Variants in ZC3H11A observed in about 807,000 individuals in gnomAD.
The protein encoded by ZC3H11A is zinc finger CCCH-type containing 11A, also known as zinc finger CCCH domain-containing protein 11A.
Under a neutral mutation model 90.8 loss-of-function variants are expected in ZC3H11A, and 22 were observed. The ratio of observed to expected loss-of-function variants is 0.24; its 90% CI spans 0.17 to 0.35. The LOEUF is 0.35. Ranked by LOEUF, ZC3H11A falls within the 10% of genes least tolerant of loss-of-function variation. The probability of loss-of-function intolerance (pLI) is 1.00; values close to 1 mark genes in which losing one functional copy is unlikely to be tolerated. For missense variants in ZC3H11A, 701 were observed against 964.9 expected (o/e 0.73, Z 3.62); for synonymous variants, 294 against 339.8 (o/e 0.87, Z 1.48).
intron 3 of ZC3H11A, among the ~76,000 whole-genome samples, chr1:203,818,050 TTA>T (rs367640141): frequency 3.3e-4 from 50 of 152,192 alleles, no homozygotes; most frequent in African/African-American, 1.1e-3. Flanking sequence ...CCCGGTGATA[TTA>T]TGTTTTAAAT....
rs550296795 is a variant in ZC3H11A at position 203,851,496 on chromosome 1, AT to A, written c.2174+377del. ...AGGTGCCTGCCACAAGGCCTAGCTA[AT>A]TTTTGTATTTTTAGTAGTGACAGGG... On this transcript the variant is annotated intron_variant, in intron 17 of 17. Transcript: ENST00000367210. Among the ~76,000 whole-genome samples, 68 of 152,138 alleles carry A rather than the reference AT, an allele frequency of 4.5e-4. 2 individuals carry two copies. The South Asian group carries it at 0.014, about 32-fold the overall frequency.
chr1:203,797,601 A>G, intron 1 of ZC3H11A: 1 of 1,535,390 alleles, frequency 6.5e-7, no homozygotes, highest in Middle Eastern at 1.7e-4. Context: ...TGATTCTGGG[A>G]TTCTGGGATG....
intron 2 of ZC3H11A, among the ~76,000 whole-genome samples, chr1:203,806,831 T>C (rs1396444764): frequency 5.3e-4 from 1 of 1,870 alleles, no homozygotes; most frequent in African/African-American, 1.6e-3. Flanking sequence ...CTCAGGTTCC[T>C]TTTTTTTTTT....
intron 1 of ZC3H11A, chr1:203,797,513 C>T: frequency 1.3e-6 from 2 of 1,485,496 alleles, no homozygotes; most frequent in South Asian, 2.7e-5. Context: ...ATTGTGGAGA[C>T]ATAAAGAGAA....
chr1:203,806,037 C>T (rs1672218660), intron 2 of ZC3H11A: 7 of 538,744 alleles, frequency 1.3e-5, no homozygotes, highest in Non-Finnish European at 2.5e-5. Flanking sequence ...GATTGTCCTG[C>T]TGCTGCTCAT....
Position 203,802,714 on chromosome 1 carries a change from C to CTTTTTTTTTTTTTTTTTTT in ZC3H11A, c.-439_-438insTTTTTTTTTTTTTTTTTTT, listed in dbSNP as rs150416242. The CTTTTTTTTTTTTTTTTTTT allele has an allele frequency of 7.6e-6, 1 of 131,690 alleles. No individual in the cohort carries two copies. The highest frequency in any genetic ancestry group is 1.6e-5 in the Non-Finnish European group (1 of 60,914). The allele number at this position is 131,690 out of a possible 1,614,324, so 8.2% of individuals were successfully genotyped here. ...TCTCAAGTTCATCTTTAAATGAACT[C>CTTTTTTTTTTTTTTTTTTT]TTTTTTTTTGTTTTTTTTTTGTTTT... On this transcript the variant is annotated 5_prime_UTR_variant, in exon 2 of 18. The change abolishes the stop of an existing upstream ORF in the 5' untranslated region. Transcript: ENST00000367210.
intron 1 of ZC3H11A, chr1:203,800,110 C>G (rs1670093976): frequency 6.5e-7 from 1 of 1,535,990 alleles, no homozygotes; most frequent in African/African-American, 1.4e-5. Context: ...TTCCCTTCTG[C>G]TGTAGCAGTT....
At chr1:203,838,204 A>T in intron 11 of ZC3H11A, 140 bp downstream of exon 11, 2 of 831,320 alleles carry the variant, frequency 2.4e-6, no homozygotes, top group Non-Finnish European at 3.7e-6. Context: ...CTCAACAAAC[A>T]TTTGATCCTT....
At chr1:203,797,990 A>G (rs968720587) in intron 1 of ZC3H11A, 29 of 1,534,722 alleles carry the variant, frequency 1.9e-5, no homozygotes, top group Non-Finnish European at 2.4e-5. Flanking sequence ...TCTGTGAGAA[A>G]AGCGTCAGCA....
intron 2 of ZC3H11A, among the ~76,000 whole-genome samples, chr1:203,808,565 A>G (rs1203193204): frequency 1.3e-5 from 2 of 152,290 alleles, no homozygotes; most frequent in Admixed American, 6.5e-5. Flanking sequence ...ATTTCTATTT[A>G]TAGAAATTGA....
intron 5 of ZC3H11A, 21 bp from the exon 6 acceptor site, chr1:203,829,430 T>C (rs775826170): frequency 6.4e-5 from 103 of 1,613,574 alleles, no homozygotes; most frequent in Non-Finnish European, 8.0e-5. Context: ...TTTTAATTTA[T>C]GACTGATTTT....
At chr1:203,840,640 T>A (rs201398585) in intron 12 of ZC3H11A, among the ~76,000 whole-genome samples, 3 of 141,214 alleles carry the variant, frequency 2.1e-5, no homozygotes, top group East Asian at 2.2e-4. Context: ...TTATTTATTT[T>A]ATTTATTTTT....
chr1:203,851,690 A>G (rs1462016004), intron 17 of ZC3H11A, among the ~76,000 whole-genome samples: 1 of 150,154 alleles, frequency 6.7e-6, no homozygotes, highest in African/African-American at 2.5e-5. Context: ...TGGCCAGGCA[A>G]GGCGGCTTAT....
intron 11 of ZC3H11A, 84 bp downstream of exon 11, chr1:203,838,148 C>G: frequency 7.8e-7 from 1 of 1,280,600 alleles, no homozygotes; most frequent in Non-Finnish European, 1.1e-6. Context: ...GTTTTTCATT[C>G]TTTTGTTCAG....
chr1:203,836,259 G>C (rs2103127520), intron 10 of ZC3H11A, among the ~76,000 whole-genome samples: 1 of 152,150 alleles, frequency 6.6e-6, no homozygotes, highest in South Asian at 2.1e-4. Flanking sequence ...GAAATGAGCT[G>C]TTTTAACATC....
chr1:203,825,585 C>T (rs907100019), intron 4 of ZC3H11A, among the ~76,000 whole-genome samples: 2 of 151,992 alleles, frequency 1.3e-5, no homozygotes, highest in Admixed American at 6.6e-5. Flanking sequence ...CAGGCGCCCT[C>T]CACCATGCCC....
At chr1:203,834,225 G>C in intron 10 of ZC3H11A, 1 of 310,648 alleles carries the variant, frequency 3.2e-6, no homozygotes, top group Non-Finnish European at 4.7e-6. Flanking sequence ...AAAGAAGAAA[G>C]TATGTATATA....
At chr1:203,817,831 T>C (rs12026442) in intron 3 of ZC3H11A, among the ~76,000 whole-genome samples, 29,142 of 151,816 alleles carry the variant, frequency 0.19, 3,455 homozygotes, top group East Asian at 0.45. Context: ...TGGCTTACTG[T>C]AACCTCCGCC....
chr1:203,803,839 T>C (rs1162249240), intron 2 of ZC3H11A, among the ~76,000 whole-genome samples: 4 of 152,122 alleles, frequency 2.6e-5, no homozygotes, highest in African/African-American at 9.7e-5. Flanking sequence ...ACTCCTGGGT[T>C]CAAGCAGTCT....
Sources: gnomAD v4.1 joint callset for allele counts (sites outside exome capture counted in the v4.1 genomes callset) on GRCh38, gnomAD v4.1.1 for gene constraint, MANE v1.5 for transcripts, NCBI Gene and HGNC (gene_info 2026-07-23, HGNC 2026-07-21) for gene names.